The following OPCML variants were observed in gnomAD, a reference collection of about 807,000 sequenced individuals.
The protein encoded by OPCML is opioid-binding protein/cell adhesion molecule.
Under a neutral mutation model 37.8 loss-of-function variants are expected in OPCML, and 13 were observed. The observed-to-expected ratio is 0.34, with a 90% CI of 0.22 to 0.55. The LOEUF (loss-of-function observed/expected upper bound fraction) is 0.55. OPCML is among the 20% of genes least tolerant of loss of function. The probability of loss-of-function intolerance (pLI) is 0.91; values close to 1 mark genes in which losing one functional copy is unlikely to be tolerated. For missense variants in OPCML, 341 were observed against 435.6 expected, an observed-to-expected ratio of 0.78 and a Z score of 1.93; for synonymous variants, 176 against 168.8, an observed-to-expected ratio of 1.04 and a Z score of -0.33.
intron 4 of OPCML, among the ~76,000 whole-genome samples, chr11:132,447,285 C>T (rs73585011): frequency 0.17 from 25,405 of 152,008 alleles, 4,482 homozygotes; most frequent in African/African-American, 0.44. Flanking sequence ...CAGTTGACAC[C>T]TGTCTTCCCA....
At position 132,880,137 on chromosome 11, in the gene OPCML, C is replaced by A. The variant is rs550137314; in HGVS notation, c.146+62789G>T. ...TCATCTTTGTATTCTTTCCTACCTT[C>A]TCTCTTTCAGTTCTTGGGCTTTTTC... is the stretch of plus-strand genomic sequence containing the variant. On this transcript the variant is annotated intron_variant, in intron 2 of 7. Transcript: ENST00000524381. Among the ~76,000 whole-genome samples, 53 of 152,288 alleles carry A rather than the reference C, an allele frequency of 3.5e-4. 1 individual carries two copies. The South Asian group carries it at 0.011, about 32-fold the overall frequency.
At chr11:133,278,674 A>C (rs1295708560) in intron 1 of OPCML, among the ~76,000 whole-genome samples, 2 of 152,266 alleles carry the variant, frequency 1.3e-5, no homozygotes, top group South Asian at 2.1e-4. Flanking sequence ...ATTTTAGCTA[A>C]AGATTCAAGC....
intron 1 of OPCML, among the ~76,000 whole-genome samples, chr11:133,317,553 C>T (rs1943234181): frequency 6.6e-6 from 1 of 152,170 alleles, no homozygotes; most frequent in African/African-American, 2.4e-5. Context: ...TTTATTCCTG[C>T]TTTTATTAGC....
intron 1 of OPCML, among the ~76,000 whole-genome samples, chr11:133,133,365 T>A (rs1302159236): frequency 6.6e-6 from 1 of 152,186 alleles, no homozygotes; most frequent in Non-Finnish European, 1.5e-5. Flanking sequence ...GGCTCCTTTG[T>A]TTTTAGCCTC....
intron 1 of OPCML, among the ~76,000 whole-genome samples, chr11:133,295,618 G>GTAAGAATGGCC (rs1369332755): frequency 2.0e-5 from 3 of 152,202 alleles, no homozygotes; most frequent in Non-Finnish European, 4.4e-5. Context: ...TATTAGAGAA[G>GTAAGAATGGCC]TAAGAATGGC....
At chr11:133,176,194 A>G (rs961947935) in intron 1 of OPCML, among the ~76,000 whole-genome samples, 2 of 152,238 alleles carry the variant, frequency 1.3e-5, no homozygotes, top group Non-Finnish European at 2.9e-5. Context: ...GAATTTAAAG[A>G]GAGCAAGGTT....
At chr11:133,480,701 C>A (rs1180805427) in intron 1 of OPCML, among the ~76,000 whole-genome samples, 1 of 152,214 alleles carries the variant, frequency 6.6e-6, no homozygotes, top group African/African-American at 2.4e-5. Context: ...CCTTGTTGTG[C>A]CAGCTAACTG....
chr11:133,155,812 C>T (rs1421517317), intron 1 of OPCML, among the ~76,000 whole-genome samples: 5 of 152,162 alleles, frequency 3.3e-5, no homozygotes, highest in Non-Finnish European at 7.3e-5. Context: ...TTGGACACAG[C>T]TTTCCATCTA....
At chr11:133,458,720 TATATATACACATA>T (rs1272247081) in intron 1 of OPCML, among the ~76,000 whole-genome samples, 2 of 135,292 alleles carry the variant, frequency 1.5e-5, no homozygotes, top group African/African-American at 6.9e-5. Context: ...CACGTGTGTG[TATATATACACATA>T]GATGCACGTG....
chr11:133,516,689 G>A (rs1255655257), intron 1 of OPCML, among the ~76,000 whole-genome samples: 2 of 152,072 alleles, frequency 1.3e-5, no homozygotes, highest in African/African-American at 4.8e-5. Context: ...GTGCAGAGCC[G>A]GTGCAGAGCC....
At chr11:133,486,460 T>TC (rs560483656) in intron 1 of OPCML, among the ~76,000 whole-genome samples, 155 of 152,192 alleles carry the variant, frequency 1.0e-3, no homozygotes, top group African/African-American at 3.5e-3. Context: ...TTTAAACACT[T>TC]CTTTTTTTTT....
intron 3 of OPCML, among the ~76,000 whole-genome samples, chr11:132,603,200 G>A (rs1289496853): frequency 1.3e-5 from 2 of 152,066 alleles, no homozygotes; most frequent in Non-Finnish European, 2.9e-5. Context: ...ATTTGCATTT[G>A]TATATTCACA....
chr11:133,333,388 G>GA (rs146046958), intron 1 of OPCML, among the ~76,000 whole-genome samples: 2,460 of 148,674 alleles, frequency 0.017, 69 homozygotes, highest in African/African-American at 0.054. Flanking sequence ...CAAGCAATGG[G>GA]AAAAAAAAAA....
intron 4 of OPCML, among the ~76,000 whole-genome samples, chr11:132,454,939 G>A (rs1474161332): frequency 1.3e-5 from 2 of 152,152 alleles, no homozygotes; most frequent in Non-Finnish European, 2.9e-5. Context: ...CATGTCAGGG[G>A]CATTGCCAGT....
At chr11:132,583,569 G>T (rs940713986) in intron 3 of OPCML, among the ~76,000 whole-genome samples, 1 of 152,002 alleles carries the variant, frequency 6.6e-6, no homozygotes. Context: ...CAAAGTGCTG[G>T]GATTACAGTT....
intron 1 of OPCML, among the ~76,000 whole-genome samples, chr11:133,079,636 G>A (rs931762806): frequency 6.6e-6 from 1 of 152,016 alleles, no homozygotes; most frequent in Non-Finnish European, 1.5e-5. Context: ...TAAGAACCTC[G>A]GGAGGTTCCC....
intron 1 of OPCML, among the ~76,000 whole-genome samples, chr11:133,183,774 G>A (rs1158143021): frequency 1.3e-5 from 2 of 152,274 alleles, no homozygotes; most frequent in Non-Finnish European, 2.9e-5. Flanking sequence ...AGACAGTATG[G>A]TTTAGTGCCA....
chr11:132,761,594 G>A (rs975093759), intron 2 of OPCML, among the ~76,000 whole-genome samples: 5 of 151,702 alleles, frequency 3.3e-5, no homozygotes, highest in South Asian at 2.1e-4. Flanking sequence ...CTGCTTGATC[G>A]ATTCAGCTAT....
intron 4 of OPCML, among the ~76,000 whole-genome samples, chr11:132,454,285 TA>T (rs1470442782): frequency 3.3e-5 from 5 of 152,350 alleles, no homozygotes; most frequent in Admixed American, 3.3e-4. Flanking sequence ...TCCCAGGTCA[TA>T]ACTTGTTCCT....
Sources: allele counts gnomAD v4.1 joint callset (sites outside exome capture counted in the v4.1 genomes callset), GRCh38; gene constraint gnomAD v4.1.1; transcripts MANE v1.5; gene names NCBI Gene and HGNC (gene_info 2026-07-23, HGNC 2026-07-21).